The following BIRC6 variants were observed in gnomAD, a reference collection of about 807,000 sequenced individuals.
BIRC6 encodes the protein dual E2 ubiquitin-conjugating enzyme/E3 ubiquitin-protein ligase BIRC6.
In BIRC6, 98 loss-of-function variants were observed where a neutral mutation model predicts 503.3. The ratio of observed to expected loss-of-function variants is 0.19; its 90% CI spans 0.17 to 0.23. The LOEUF (loss-of-function observed/expected upper bound fraction) is 0.23, where lower values mean the gene tolerates loss of function less well. Ranked by LOEUF, BIRC6 falls within the 10% of genes least tolerant of loss-of-function variation. The pLI, the probability that BIRC6 is intolerant of heterozygous loss-of-function variation, is 1.00. For missense variants in BIRC6, 5,360 were observed against 5,806.0 expected (o/e 0.92, Z 2.50); for synonymous variants, 2,240 against 2,078.7 (o/e 1.08, Z -2.11).
intron 8 of BIRC6, among the ~76,000 whole-genome samples, chr2:32,404,231 A>G (rs772204617): frequency 1.3e-4 from 20 of 151,758 alleles, no homozygotes; most frequent in Non-Finnish European, 2.5e-4. Context: ...GCCCAGCCGC[A>G]TGTGATTTTT....
chr2:32,597,680 G>A, intron 68 of BIRC6, 71 bp from the exon 69 acceptor site: 1 of 1,122,638 alleles, frequency 8.9e-7, no homozygotes, highest in East Asian at 2.5e-5. Flanking sequence ...AAGGACTAGT[G>A]ATTGTTTGTG....
At chr2:32,528,918 C>T (rs2056505518) in intron 59 of BIRC6, 1 of 151,714 alleles carries the variant, frequency 6.6e-6, no homozygotes, top group Non-Finnish European at 1.5e-5. Flanking sequence ...CCTAAGATAA[C>T]TCATTGTGTA....
intron 57 of BIRC6, chr2:32,522,035 A>G (rs925940216): frequency 1.3e-5 from 2 of 151,946 alleles, no homozygotes; most frequent in African/African-American, 4.8e-5. Flanking sequence ...GGCTGTATGA[A>G]GTTGTTTGAC....
At chr2:32,556,114 G>A (rs1212511875) in intron 65 of BIRC6, among the ~76,000 whole-genome samples, 2 of 152,114 alleles carry the variant, frequency 1.3e-5, no homozygotes, top group African/African-American at 4.8e-5. Flanking sequence ...GCGACTCAGA[G>A]TATCTATAAC....
At chr2:32,424,994 T>C (rs1345297898) in intron 10 of BIRC6, among the ~76,000 whole-genome samples, 2 of 152,190 alleles carry the variant, frequency 1.3e-5, no homozygotes, top group African/African-American at 2.4e-5. Flanking sequence ...GTTTGCACTT[T>C]CCTAATGATT....
intron 8 of BIRC6, among the ~76,000 whole-genome samples, chr2:32,404,723 G>GGGCTCAC (rs1558635401): frequency 1.3e-5 from 2 of 151,312 alleles, no homozygotes; most frequent in African/African-American, 4.9e-5. Context: ...TCTGTCACCC[G>GGGCTCAC]GGCTCACGGC....
At chr2:32,590,702 T>G in intron 66 of BIRC6, 1 of 816,090 alleles carries the variant, frequency 1.2e-6, no homozygotes, top group Non-Finnish European at 1.5e-6. Context: ...AAAATTTGTT[T>G]AACTAATTAG....
chr2:32,518,897 T>C lies in BIRC6; in HGVS notation c.11574T>C (p.Leu3858=), dbSNP rs1386094647. The change falls in exon 57 of 74, where the codon CTT becomes CTC. Residue 3858 remains leucine, a synonymous_variant. Coordinates refer to ENST00000421745, the MANE Select transcript of BIRC6 (RefSeq NM_016252.4). ...GAGCAGGCCACAAATTCCGTACTCTTCATTTGCCAGTCTCAACAACATTAT... is the reference window on the plus strand; with the variant it reads ...GAGCAGGCCACAAATTCCGTACTCTCCATTTGCCAGTCTCAACAACATTAT... The part of the protein sequence containing the change: ...MYGAGHKFRT[L]HLPVSTTLSD... 1.2e-6 allele frequency: 2 copies of C among 1,613,890 alleles called. No individual in the cohort carries two copies. Among genetic ancestry groups the C allele is most frequent in the South Asian group, 2.2e-5 (2 of 91,082 alleles).
intron 59 of BIRC6, 147 bp downstream of exon 59, chr2:32,525,775 G>T (rs763362668): frequency 2.8e-6 from 2 of 723,688 alleles, no homozygotes; most frequent in East Asian, 5.5e-5. Context: ...CAGTTCCTCC[G>T]AAGAGAAGTG....
rs771432864 is a variant in BIRC6 at position 32,443,561 on chromosome 2, T to G, written c.4309T>G (p.Ser1437Ala). The G allele has an allele frequency of 1.9e-6, 3 of 1,607,006 alleles. No individual in the cohort carries two copies. The highest frequency in any genetic ancestry group is 1.7e-6 in the Non-Finnish European group (2 of 1,176,438). ...VLLKALLDNM[S>A]FLPAATTGGS... Reference sequence around the variant, plus strand: ...GTTGAAGGCTTTACTTGATAATATGTCATTTTTACCTGCAGCAACAACTGG... The same window carrying G: ...GTTGAAGGCTTTACTTGATAATATGGCATTTTTACCTGCAGCAACAACTGG... The change falls in exon 20 of 74, where the codon TCA (serine) becomes GCA (alanine). Residue 1437 changes from serine (S) to alanine (A), a missense_variant. Physicochemically the swap from Ser to Ala is moderately conservative, Grantham distance 99 (BLOSUM62 1). This residue lies in a region of BIRC6 where 2,299 missense variants were observed against 2,267.2 expected (regional missense o/e 1.01). Coordinates refer to ENST00000421745, the MANE Select transcript of BIRC6 (RefSeq NM_016252.4).
At chr2:32,481,276 A>G (rs917216389) in intron 37 of BIRC6, 44 bp from the exon 38 acceptor site, 22 of 1,437,232 alleles carry the variant, frequency 1.5e-5, no homozygotes, top group Non-Finnish European at 1.8e-5. Context: ...TCTAAATTTT[A>G]TGTGATACAC....
In BIRC6 at chr2:32,607,622, C is replaced by G; in HGVS notation, c.14238C>G (p.Asn4746Lys). ...VKWAMLEQIR[N>K]PSPCFKEVIH... ...GGGCAATGCTAGAACAAATCAGAAA[C>G]CCTTCACCATGTTTTAAAGAGGTAT... The change falls in exon 72 of 74, where the codon AAC (asparagine) becomes AAG (lysine). Residue 4746 changes from asparagine to lysine, a missense_variant. By Grantham distance (94) the Asn-to-Lys change is moderately conservative (BLOSUM62 0). Coordinates refer to ENST00000421745, the MANE Select transcript of BIRC6 (RefSeq NM_016252.4). The G allele has an allele frequency of 6.2e-7, 1 of 1,607,788 alleles. No individual in the cohort carries two copies. Among genetic ancestry groups the G allele is most frequent in the African/African-American group, 1.3e-5 (1 of 74,704 alleles).
chr2:32,486,626 A>G (rs2051021939), intron 40 of BIRC6, among the ~76,000 whole-genome samples: 1 of 152,238 alleles, frequency 6.6e-6, no homozygotes, highest in Non-Finnish European at 1.5e-5. Flanking sequence ...GATAGTAGGT[A>G]GAACCGAATA....
chr2:32,462,683 G>A (rs201545757), intron 23 of BIRC6, among the ~76,000 whole-genome samples: 10 of 152,130 alleles, frequency 6.6e-5, no homozygotes, highest in African/African-American at 1.4e-4. Context: ...TGGGCTGGGC[G>A]TGGTGGCTCA....
chr2:32,565,851 T>C (rs2059499391), intron 65 of BIRC6: 1 of 152,082 alleles, frequency 6.6e-6, no homozygotes, highest in Non-Finnish European at 1.5e-5. Flanking sequence ...TATAAAACCA[T>C]CATATCTCGT....
chr2:32,539,250 A>G (rs550510612), intron 61 of BIRC6, among the ~76,000 whole-genome samples: 3 of 152,354 alleles, frequency 2.0e-5, no homozygotes, highest in South Asian at 4.1e-4. Context: ...AGATAAATCT[A>G]CATTTCAGTA....
intron 21 of BIRC6, 22 bp downstream of exon 21, chr2:32,445,690 C>G: frequency 6.8e-7 from 1 of 1,461,944 alleles, no homozygotes; most frequent in Non-Finnish European, 9.1e-7. Flanking sequence ...TATCTAATGA[C>G]TAATAATAGG....
chr2:32,612,438 TC>T (rs1466497781), intron 73 of BIRC6, among the ~76,000 whole-genome samples: 2 of 152,102 alleles, frequency 1.3e-5, no homozygotes, highest in Non-Finnish European at 2.9e-5. Flanking sequence ...ATGTCTTTAC[TC>T]ATTTCATCCT....
At chr2:32,359,293 G>T (rs2033677694) in intron 1 of BIRC6, among the ~76,000 whole-genome samples, 1 of 152,124 alleles carries the variant, frequency 6.6e-6, no homozygotes, top group South Asian at 2.1e-4. Flanking sequence ...AAGTGTTTTG[G>T]ATAGAAAGAG....
Sources: allele counts gnomAD v4.1 joint callset (sites outside exome capture counted in the v4.1 genomes callset), GRCh38; gene constraint gnomAD v4.1.1; regional missense constraint gnomAD v4.1.1; transcripts MANE v1.5; gene names NCBI Gene and HGNC (gene_info 2026-07-23, HGNC 2026-07-21).